E2F3: variants seen among roughly 807,000 people sequenced by gnomAD.
The protein encoded by E2F3 is transcription factor E2F3.
E2F3 carries 11 observed loss-of-function variants against 44.4 expected under a neutral mutation model. That is an observed-to-expected ratio of 0.25 (90% CI 0.16 to 0.41). E2F3 has a LOEUF of 0.41. Ranked by LOEUF, E2F3 falls within the 10% of genes least tolerant of loss-of-function variation. The pLI is 1.00. For synonymous variants in E2F3, 249 were observed against 253.0 expected, an observed-to-expected ratio of 0.98 and a Z score of 0.15; for missense variants, 487 against 583.6, an observed-to-expected ratio of 0.83 and a Z score of 1.70.
chr6:20,424,045 C>T (rs1338746825), intron 1 of E2F3, among the ~76,000 whole-genome samples: 1 of 152,232 alleles, frequency 6.6e-6, no homozygotes, highest in Non-Finnish European at 1.5e-5. Context: ...GCTGGGATTA[C>T]AGGTGTGAGC....
Position 20,402,177 on chromosome 6 carries a change from G to T in E2F3, c.-56G>T. 12 of 1,500,186 alleles carry T rather than the reference G, an allele frequency of 8.0e-6. No homozygotes were observed. Among genetic ancestry groups the T allele is most frequent in the Non-Finnish European group, 8.8e-6 (10 of 1,131,898 alleles). The allele number at this position is 1,500,186 out of a possible 1,614,324, so 92.9% of individuals were successfully genotyped here. On this transcript the variant is annotated 5_prime_UTR_variant, in exon 1 of 7. Coordinates refer to ENST00000346618, the MANE Select transcript of E2F3 (RefSeq NM_001949.5). The surrounding 1 kb of genome is among the most constrained non-coding windows in gnomAD (Gnocchi z 5.6). The stretch of plus-strand genomic sequence containing the variant: ...GGAAACTCCGACTGCAAATAATAAA[G>T]AAATTGAAAACAATACATTAATATA...
At chr6:20,417,157 G>A (rs1759874677) in intron 1 of E2F3, among the ~76,000 whole-genome samples, 1 of 152,178 alleles carries the variant, frequency 6.6e-6, no homozygotes, top group African/African-American at 2.4e-5. Flanking sequence ...GGATGGACAA[G>A]GCTTATCTGA....
chr6:20,426,415 A>G (rs1410628695), intron 1 of E2F3, among the ~76,000 whole-genome samples: 1 of 152,200 alleles, frequency 6.6e-6, no homozygotes, highest in Non-Finnish European at 1.5e-5. Context: ...TTACTGCATG[A>G]TTGCACTCTT....
rs145456833 is a variant in E2F3 at position 20,419,112 on chromosome 6, C to T, written c.393+16487C>T. On this transcript the variant is annotated intron_variant, in intron 1 of 6. Transcript: ENST00000346618. ...CCCTTTTGCTTAGTATTTCCAGAGA[C>T]GTAATTCCCTATCTGTATATATTGT... Among the ~76,000 whole-genome samples, 542 of 152,216 alleles carry T rather than the reference C, an allele frequency of 3.6e-3. 2 individuals carry two copies. Among genetic ancestry groups the T allele is most frequent in the Non-Finnish European group, 4.9e-3 (331 of 68,012 alleles).
chr6:20,439,688 G>A (rs554243421), intron 1 of E2F3, among the ~76,000 whole-genome samples: 1 of 152,194 alleles, frequency 6.6e-6, no homozygotes, highest in Non-Finnish European at 1.5e-5. Flanking sequence ...TGCCACCAAA[G>A]CCTGGCTAAT....
rs150302300 is a variant in E2F3 at position 20,465,339 on chromosome 6, T to A, written c.394-14507T>A. On this transcript the variant is annotated intron_variant, in intron 1 of 6. Transcript: ENST00000346618. ...AAACTAGGGTAAATGTAGCAAACAT[T>A]TTTCAAACCCCTTTATGTCGAGAGA... is the stretch of plus-strand genomic sequence containing the variant. Among the ~76,000 whole-genome samples the A allele has an allele frequency of 2.3e-3, 343 of 152,348 alleles. 2 individuals carry two copies. The highest frequency in any genetic ancestry group is 8.0e-3 in the African/African-American group (332 of 41,592).
intron 1 of E2F3, chr6:20,440,284 CA>C (rs1271185318): frequency 6.6e-6 from 1 of 152,074 alleles, no homozygotes; most frequent in Admixed American, 6.6e-5. Flanking sequence ...TATAGTTATC[CA>C]AAAAAATTAA....
At position 20,479,906 on chromosome 6, in the gene E2F3, A is replaced by G. The variant is rs1207837753; in HGVS notation, c.454A>G (p.Thr152Ala). The G allele has an allele frequency of 6.2e-7, 1 of 1,612,072 alleles. No individual in the cohort carries two copies. The highest frequency in any genetic ancestry group is 8.5e-7 in the Non-Finnish European group (1 of 1,179,400). The change falls in exon 2 of 7, where the codon ACC becomes GCC. Residue 152 changes from threonine to alanine, a missense_variant. This residue lies in a region of E2F3 where 238 missense variants were observed against 236.0 expected (regional missense o/e 1.01). Coordinates refer to ENST00000346618, the MANE Select transcript of E2F3 (RefSeq NM_001949.5). ...GHQYLSDGLK[T>A]PKGKGRAALR... ...TCAGTACCTCTCAGATGGTTTAAAA[A>G]CCCCCAAGGGCAAAGGAAGAGCTGC...
intron 1 of E2F3, among the ~76,000 whole-genome samples, chr6:20,426,913 T>G (rs1432449830): frequency 6.6e-6 from 1 of 152,232 alleles, no homozygotes; most frequent in Non-Finnish European, 1.5e-5. Context: ...AAATTAGACC[T>G]AGAATCTAAA....
intron 1 of E2F3, among the ~76,000 whole-genome samples, chr6:20,470,159 G>C (rs921953015): frequency 5.3e-5 from 8 of 152,190 alleles, no homozygotes; most frequent in African/African-American, 1.4e-4. Flanking sequence ...CTCAAGAGCT[G>C]TCACCTCTTA....
At chr6:20,406,687 A>T (rs1442770623) in intron 1 of E2F3, among the ~76,000 whole-genome samples, 1 of 152,094 alleles carries the variant, frequency 6.6e-6, no homozygotes, top group Non-Finnish European at 1.5e-5. Flanking sequence ...AGGCCACATC[A>T]TCCTCACTTT....
rs1415654826 is a variant in E2F3 at position 20,464,243 on chromosome 6, T to C, written c.394-15603T>C. ...CAGATGGGCTGTTGTCTGTTCACCT[T>C]GAAACTGCCTTGAAATGCATCATAA... On this transcript the variant is annotated intron_variant, in intron 1 of 6. Coordinates refer to ENST00000346618, the MANE Select transcript of E2F3 (RefSeq NM_001949.5). Among the ~76,000 whole-genome samples the C allele has an allele frequency of 2.0e-5, 3 of 152,180 alleles. No individual in the cohort carries two copies. The East Asian group carries it at 5.8e-4, about 29-fold the overall frequency.
chr6:20,427,220 CA>C (rs1211718254), intron 1 of E2F3, among the ~76,000 whole-genome samples: 1 of 152,220 alleles, frequency 6.6e-6, no homozygotes, highest in African/African-American at 2.4e-5. Flanking sequence ...ATGGGAATCA[CA>C]AACCCTCCCT....
chr6:20,468,511 T>C (rs981438871), intron 1 of E2F3, among the ~76,000 whole-genome samples: 25 of 152,226 alleles, frequency 1.6e-4, no homozygotes, highest in African/African-American at 5.3e-4. Context: ...AACCTCCTTG[T>C]GTTCAGCTAC....
chr6:20,424,021 C>T (rs1240148979), intron 1 of E2F3, among the ~76,000 whole-genome samples: 2 of 152,138 alleles, frequency 1.3e-5, no homozygotes, highest in Non-Finnish European at 2.9e-5. Flanking sequence ...CCACCCACCT[C>T]GGCCTCCCAA....
chr6:20,437,985 A>G (rs1760648765), intron 1 of E2F3: 1 of 152,238 alleles, frequency 6.6e-6, no homozygotes, highest in African/African-American at 2.4e-5. Flanking sequence ...GGCGAATACC[A>G]CAGATTTGAC....
At chr6:20,411,231 G>A (rs1201566487) in intron 1 of E2F3, among the ~76,000 whole-genome samples, 3 of 152,154 alleles carry the variant, frequency 2.0e-5, no homozygotes, top group Non-Finnish European at 4.4e-5. Flanking sequence ...TTTCAATCCT[G>A]TACAGTAAAC....
chr6:20,427,703 G>A (rs1248013405), intron 1 of E2F3, among the ~76,000 whole-genome samples: 1 of 152,140 alleles, frequency 6.6e-6, no homozygotes, highest in Non-Finnish European at 1.5e-5. Context: ...GTGACTTGGA[G>A]AGAATGTCAC....
At chr6:20,420,440 T>G (rs887019728) in intron 1 of E2F3, among the ~76,000 whole-genome samples, 6 of 86,200 alleles carry the variant, frequency 7.0e-5, no homozygotes, top group Admixed American at 5.9e-4. Flanking sequence ...CTTTCTCTGG[T>G]GTGTGTGTGT....
Sources: gnomAD v4.1 joint callset for allele counts (sites outside exome capture counted in the v4.1 genomes callset) on GRCh38, gnomAD v4.1.1 for gene constraint, gnomAD v4.1.1 regional missense constraint, Gnocchi (gnomAD v3.1) non-coding constraint, MANE v1.5 for transcripts, NCBI Gene and HGNC (gene_info 2026-07-23, HGNC 2026-07-21) for gene names.